Variants in GABRA5 observed in about 807,000 individuals in gnomAD.
GABRA5 encodes gamma-aminobutyric acid type A receptor subunit alpha5.
A neutral mutation model predicts 47.3 loss-of-function variants in GABRA5; 18 were observed. That is an observed-to-expected ratio of 0.38 (90% CI 0.26 to 0.56). GABRA5 has a LOEUF of 0.56. Ranked by LOEUF, GABRA5 falls within the 20% of genes least tolerant of loss-of-function variation. The pLI is 0.71. For missense variants in GABRA5, 365 were observed against 599.3 expected (o/e 0.61, Z 4.08); for synonymous variants, 237 against 229.3 (o/e 1.03, Z -0.30).
At chr15:26,910,264 A>C (rs1893548280) in intron 6 of GABRA5, among the ~76,000 whole-genome samples, 1 of 152,086 alleles carries the variant, frequency 6.6e-6, no homozygotes, top group Admixed American at 6.5e-5. Flanking sequence ...CTAAGCCCTC[A>C]ATTACGATGA....
chr15:26,869,617 C>T (rs1892413600), intron 3 of GABRA5, among the ~76,000 whole-genome samples: 1 of 152,236 alleles, frequency 6.6e-6, no homozygotes, highest in Non-Finnish European at 1.5e-5. Context: ...AGCTGTGATT[C>T]TTCCTACTCA....
intron 6 of GABRA5, among the ~76,000 whole-genome samples, chr15:26,886,405 G>A (rs1210677038): frequency 2.6e-5 from 4 of 152,176 alleles, no homozygotes; most frequent in African/African-American, 9.7e-5. Flanking sequence ...GAGAGTTAGT[G>A]TCATTCCTTA....
intron 6 of GABRA5, among the ~76,000 whole-genome samples, chr15:26,904,773 C>T (rs1292181730): frequency 6.6e-6 from 1 of 151,766 alleles, no homozygotes; most frequent in Non-Finnish European, 1.5e-5. Flanking sequence ...CTTGGCTGTT[C>T]CTGATGTATA....
At chr15:26,923,608 C>A (rs974276830) in intron 7 of GABRA5, among the ~76,000 whole-genome samples, 1 of 152,036 alleles carries the variant, frequency 6.6e-6, no homozygotes, top group South Asian at 2.1e-4. Flanking sequence ...ACACCAATAG[C>A]CTTTCTGGTG....
intron 7 of GABRA5, among the ~76,000 whole-genome samples, chr15:26,917,912 T>A (rs1893755487): frequency 6.6e-6 from 1 of 152,078 alleles, no homozygotes; most frequent in Admixed American, 6.5e-5. Flanking sequence ...CAATGTCTCC[T>A]TTTATTTCTA....
At chr15:26,946,366 C>T (rs892603625) in intron 10 of GABRA5, among the ~76,000 whole-genome samples, 31 of 151,786 alleles carry the variant, frequency 2.0e-4, no homozygotes, top group African/African-American at 7.3e-4. Context: ...TTACGTATGC[C>T]TGTGTCCTCA....
intron 7 of GABRA5, among the ~76,000 whole-genome samples, chr15:26,935,330 A>G (rs566852728): frequency 4.1e-4 from 62 of 152,374 alleles, no homozygotes; most frequent in African/African-American, 1.4e-3. Flanking sequence ...GATGCATTAT[A>G]TGTCACTCAG....
intron 3 of GABRA5, among the ~76,000 whole-genome samples, chr15:26,870,968 C>T (rs774712205): frequency 2.0e-5 from 3 of 152,128 alleles, no homozygotes; most frequent in African/African-American, 7.2e-5. Context: ...AAGCGGGGGG[C>T]GGATCGCCTG....
intron 7 of GABRA5, among the ~76,000 whole-genome samples, chr15:26,916,662 A>G (rs1893723054): frequency 6.6e-6 from 1 of 152,142 alleles, no homozygotes; most frequent in South Asian, 2.1e-4. Context: ...TCACTTGGGT[A>G]GTGTGGACAT....
At chr15:26,907,263 G>C (rs570435715) in intron 6 of GABRA5, among the ~76,000 whole-genome samples, 3 of 152,172 alleles carry the variant, frequency 2.0e-5, no homozygotes, top group East Asian at 1.9e-4. Flanking sequence ...AAACCAAAGC[G>C]TGGATCATTT....
At chr15:26,874,715 C>T (rs762694634) in intron 3 of GABRA5, among the ~76,000 whole-genome samples, 1 of 152,216 alleles carries the variant, frequency 6.6e-6, no homozygotes, top group African/African-American at 2.4e-5. Flanking sequence ...TGCAGTGAAA[C>T]AGGCTTCAGC....
chr15:26,932,100 A>C (rs1322930731), intron 7 of GABRA5, among the ~76,000 whole-genome samples: 1 of 152,232 alleles, frequency 6.6e-6, no homozygotes, highest in African/African-American at 2.4e-5. Context: ...AGTTTCAAAA[A>C]ATGCAAAAAT....
At chr15:26,899,904 G>A (rs922505365) in intron 6 of GABRA5, among the ~76,000 whole-genome samples, 5 of 152,052 alleles carry the variant, frequency 3.3e-5, no homozygotes, top group African/African-American at 1.2e-4. Flanking sequence ...TTGCTGAAAG[G>A]AAGGACTTTC....
At chr15:26,939,086 G>T in intron 8 of GABRA5, 1 of 659,662 alleles carries the variant, frequency 1.5e-6, no homozygotes. Flanking sequence ...TCCACTCCTC[G>T]CAATTCAGCC....
intron 1 of GABRA5, among the ~76,000 whole-genome samples, chr15:26,868,270 C>G (rs1892374096): frequency 6.6e-6 from 1 of 152,034 alleles, no homozygotes; most frequent in Non-Finnish European, 1.5e-5. Context: ...CGGACGCGCC[C>G]AGGCGACCAC....
At chr15:26,926,635 T>C (rs1893968545) in intron 7 of GABRA5, among the ~76,000 whole-genome samples, 1 of 152,188 alleles carries the variant, frequency 6.6e-6, no homozygotes, top group Non-Finnish European at 1.5e-5. Context: ...TTGATGTCTT[T>C]GAAAGAAAAT....
intron 7 of GABRA5, among the ~76,000 whole-genome samples, chr15:26,919,303 C>G (rs1175998679): frequency 6.6e-6 from 1 of 151,968 alleles, no homozygotes; most frequent in African/African-American, 2.4e-5. Flanking sequence ...TTCTATTTGT[C>G]TTTTATCTAT....
intron 6 of GABRA5, among the ~76,000 whole-genome samples, chr15:26,895,178 G>A (rs1036574678): frequency 6.6e-6 from 1 of 151,222 alleles, no homozygotes; most frequent in Non-Finnish European, 1.5e-5. Flanking sequence ...GACCCCACCT[G>A]CCGCCCCCTT....
chr15:26,887,961 C>T (rs1266060725), intron 6 of GABRA5, among the ~76,000 whole-genome samples: 2 of 152,128 alleles, frequency 1.3e-5, no homozygotes, highest in African/African-American at 4.8e-5. Flanking sequence ...CAATAAATTA[C>T]AGTTAACTGT....
Sources: allele counts gnomAD v4.1 joint callset (sites outside exome capture counted in the v4.1 genomes callset), GRCh38; gene constraint gnomAD v4.1.1; transcripts MANE v1.5; gene names NCBI Gene and HGNC (gene_info 2026-07-23, HGNC 2026-07-21).